Variants in LRP1B observed in about 807,000 individuals in gnomAD.
LRP1B encodes LDL receptor related protein 1B, also known as low-density lipoprotein receptor-related protein 1B.
In LRP1B, 217 loss-of-function variants were observed where a neutral mutation model predicts 556.6. That is an observed-to-expected ratio of 0.39 (90% CI 0.35 to 0.44). LRP1B has a LOEUF of 0.44. Ranked by LOEUF, LRP1B falls within the 20% of genes least tolerant of loss-of-function variation. The probability of loss-of-function intolerance (pLI) is 1.00; values close to 1 mark genes in which losing one functional copy is unlikely to be tolerated. For missense variants in LRP1B, 5,053 were observed against 5,620.8 expected (o/e 0.90, Z 3.23); for synonymous variants, 2,047 against 1,865.8 (o/e 1.10, Z -2.50).
At chr2:140,372,906 C>G (rs2105170489) in intron 69 of LRP1B, 102 bp downstream of exon 69, 1 of 1,204,458 alleles carries the variant, frequency 8.3e-7, no homozygotes, top group Non-Finnish European at 1.2e-6. Context: ...AAATGGTAAA[C>G]ATATGACATA....
intron 1 of LRP1B, among the ~76,000 whole-genome samples, chr2:141,872,892 T>C (rs1395515605): frequency 6.6e-6 from 1 of 152,042 alleles, no homozygotes. Flanking sequence ...AACCAATGTT[T>C]CCTTTAAGTA....
intron 3 of LRP1B, among the ~76,000 whole-genome samples, chr2:141,292,716 C>A (rs925747301): frequency 1.3e-5 from 2 of 152,080 alleles, no homozygotes; most frequent in African/African-American, 4.8e-5. Flanking sequence ...AGTGGGACAA[C>A]CTACTAAACA....
At chr2:141,825,670 T>A (rs1050427977) in intron 1 of LRP1B, among the ~76,000 whole-genome samples, 1 of 152,172 alleles carries the variant, frequency 6.6e-6, no homozygotes, top group Non-Finnish European at 1.5e-5. Flanking sequence ...TCAATGGGTT[T>A]CCCAAACATA....
intron 66 of LRP1B, among the ~76,000 whole-genome samples, chr2:140,436,608 C>CT (rs56972100): frequency 0.019 from 2,714 of 139,280 alleles, 65 homozygotes; most frequent in African/African-American, 0.056. Flanking sequence ...TGCTCACTGT[C>CT]TTTTTTTTTT....
intron 2 of LRP1B, among the ~76,000 whole-genome samples, chr2:141,650,183 A>G (rs1689732433): frequency 6.6e-6 from 1 of 152,218 alleles, no homozygotes; most frequent in Non-Finnish European, 1.5e-5. Context: ...GAATGTCAAT[A>G]TGAAAGATAT....
chr2:140,496,966 T>C (rs952460556), intron 55 of LRP1B, among the ~76,000 whole-genome samples: 3 of 151,366 alleles, frequency 2.0e-5, no homozygotes, highest in African/African-American at 7.3e-5. Flanking sequence ...GAGCTTTGAA[T>C]TTATTGATAA....
chr2:140,834,939 A>G (rs1187171516), intron 31 of LRP1B, among the ~76,000 whole-genome samples: 2 of 152,314 alleles, frequency 1.3e-5, no homozygotes, highest in East Asian at 1.9e-4. Context: ...TAGTTTTAAA[A>G]TAAGCATATC....
At chr2:141,587,456 T>C (rs936562336) in intron 2 of LRP1B, among the ~76,000 whole-genome samples, 12 of 152,322 alleles carry the variant, frequency 7.9e-5, no homozygotes, top group African/African-American at 2.6e-4. Context: ...AATGTTATGA[T>C]GAAAACATTA....
intron 1 of LRP1B, among the ~76,000 whole-genome samples, chr2:141,878,205 A>G (rs866992724): frequency 5.3e-5 from 8 of 151,988 alleles, no homozygotes; most frequent in African/African-American, 1.9e-4. Context: ...ATAGAGCACA[A>G]GATGGCCACC....
At chr2:141,465,396 G>T (rs973368005) in intron 3 of LRP1B, among the ~76,000 whole-genome samples, 7 of 152,086 alleles carry the variant, frequency 4.6e-5, no homozygotes, top group Non-Finnish European at 1.0e-4. Flanking sequence ...GAAAGAGATG[G>T]CTACATCAGT....
intron 3 of LRP1B, among the ~76,000 whole-genome samples, chr2:141,477,898 T>A (rs1682771784): frequency 6.6e-6 from 1 of 151,912 alleles, no homozygotes; most frequent in African/African-American, 2.4e-5. Flanking sequence ...TGGTTAAATG[T>A]AAAAATATTT....
At chr2:140,872,565 C>T (rs989584907) in intron 25 of LRP1B, among the ~76,000 whole-genome samples, 2 of 151,426 alleles carry the variant, frequency 1.3e-5, no homozygotes, top group South Asian at 2.1e-4. Flanking sequence ...TGGTCTCTAC[C>T]CAGAGTTCAA....
In LRP1B at chr2:141,665,141, C is replaced by T. The variant is rs1348751621; in HGVS notation, c.205+145138G>A. Among the ~76,000 whole-genome samples, 4 of 152,136 alleles carry T rather than the reference C, an allele frequency of 2.6e-5. No individual in the cohort carries two copies. In the South Asian group the frequency reaches 6.2e-4, roughly 24 times the overall value. ...TATTTAATAAATGGTGCAGGGAGAA[C>T]TGGCTAGCCACATGCAGAAAACTGA... On this transcript the variant is annotated intron_variant, in intron 2 of 90. Transcript: ENST00000389484.
intron 41 of LRP1B, among the ~76,000 whole-genome samples, chr2:140,674,368 G>A (rs926142508): frequency 1.3e-5 from 2 of 152,102 alleles, no homozygotes. Context: ...ACCTTTTAAA[G>A]GTCTGAATAG....
At chr2:140,731,284 C>T (rs1275737491) in intron 35 of LRP1B, among the ~76,000 whole-genome samples, 2 of 152,128 alleles carry the variant, frequency 1.3e-5, no homozygotes, top group African/African-American at 4.8e-5. Context: ...CTGAGATGGG[C>T]TCTCATTCAT....
chr2:141,180,678 T>C (rs1359014693), intron 7 of LRP1B, among the ~76,000 whole-genome samples: 1 of 151,942 alleles, frequency 6.6e-6, no homozygotes, highest in Non-Finnish European at 1.5e-5. Context: ...CTCTTATCAG[T>C]ATTTTATAAA....
At position 141,132,253 on chromosome 2, in the gene LRP1B, C is replaced by T. The variant is rs148354459; in HGVS notation, c.1013+56168G>A. ...ATGTGAGGTATTTGGATTATGGGGG[C>T]GGAACCCTCATGAATGGCTTGGTCT... On this transcript the variant is annotated intron_variant, in intron 7 of 90. Transcript: ENST00000389484. Among the ~76,000 whole-genome samples, 238 of 151,980 alleles carry T rather than the reference C, an allele frequency of 1.6e-3. 1 individual carries two copies. The highest frequency in any genetic ancestry group is 4.8e-3 in the African/African-American group (198 of 41,494).
intron 41 of LRP1B, among the ~76,000 whole-genome samples, chr2:140,657,440 C>T (rs965577407): frequency 6.6e-6 from 1 of 151,384 alleles, no homozygotes; most frequent in South Asian, 2.1e-4. Flanking sequence ...TTAGATCATA[C>T]ATTGAATGAT....
At chr2:140,839,503 G>A (rs1464955590) in intron 31 of LRP1B, among the ~76,000 whole-genome samples, 1 of 152,182 alleles carries the variant, frequency 6.6e-6, no homozygotes, top group Admixed American at 6.5e-5. Flanking sequence ...GACTTGGTGA[G>A]TCTTCTGGCC....
Sources: gnomAD v4.1 joint callset for allele counts (sites outside exome capture counted in the v4.1 genomes callset) on GRCh38, gnomAD v4.1.1 for gene constraint, MANE v1.5 for transcripts, NCBI Gene and HGNC (gene_info 2026-07-23, HGNC 2026-07-21) for gene names.